The following ZNF609 variants were observed in gnomAD, a reference collection of about 807,000 sequenced individuals.
ZNF609 encodes the protein zinc finger protein 609.
A neutral mutation model predicts 109.5 loss-of-function variants in ZNF609; 11 were observed. The observed-to-expected ratio is 0.10, with a 90% CI of 0.06 to 0.17. ZNF609 has a LOEUF of 0.17. ZNF609 is among the 10% of genes least tolerant of loss of function. The pLI is 1.00. For synonymous variants in ZNF609, 646 were observed against 662.0 expected, an observed-to-expected ratio of 0.98 and a Z score of 0.37; for missense variants, 1,559 against 1,772.4, an observed-to-expected ratio of 0.88 and a Z score of 2.16.
intron 2 of ZNF609, among the ~76,000 whole-genome samples, chr15:64,537,555 A>T (rs1471338514): frequency 1.3e-5 from 2 of 152,074 alleles, no homozygotes; most frequent in African/African-American, 4.8e-5. Flanking sequence ...TCCATCAAAA[A>T]AAAGAAAAAA....
At chr15:64,467,891 A>G (rs536423617) in intron 1 of ZNF609, among the ~76,000 whole-genome samples, 2 of 152,294 alleles carry the variant, frequency 1.3e-5, no homozygotes, top group East Asian at 1.9e-4. Context: ...TACTATATGA[A>G]CAAATGTTGC....
At chr15:64,503,459 C>A (rs1272415829) in intron 2 of ZNF609, among the ~76,000 whole-genome samples, 1 of 152,108 alleles carries the variant, frequency 6.6e-6, no homozygotes, top group Non-Finnish European at 1.5e-5. Flanking sequence ...GGGAGGAGGG[C>A]AGGCGCCTGT....
intron 2 of ZNF609, among the ~76,000 whole-genome samples, chr15:64,553,766 T>C (rs1385549195): frequency 1.3e-5 from 2 of 151,738 alleles, no homozygotes; most frequent in Non-Finnish European, 2.9e-5. Context: ...GCCTGGCTAA[T>C]TTTTTGTATT....
At chr15:64,640,424 G>A (rs917533515) in intron 3 of ZNF609, among the ~76,000 whole-genome samples, 1 of 151,952 alleles carries the variant, frequency 6.6e-6, no homozygotes, top group South Asian at 2.1e-4. Flanking sequence ...AGAGTGAAAG[G>A]GTGGTTCAGC....
chr15:64,494,710 C>A (rs1478503505), intron 1 of ZNF609, among the ~76,000 whole-genome samples: 3 of 151,772 alleles, frequency 2.0e-5, no homozygotes, highest in African/African-American at 7.3e-5. Flanking sequence ...ATTTTTAGTA[C>A]AGACGGGGTT....
At chr15:64,581,591 A>G (rs1245748068) in intron 2 of ZNF609, among the ~76,000 whole-genome samples, 1 of 152,102 alleles carries the variant, frequency 6.6e-6, no homozygotes, top group East Asian at 1.9e-4. Context: ...GAAAGGTCAA[A>G]TAATGATAAT....
intron 1 of ZNF609, among the ~76,000 whole-genome samples, chr15:64,481,790 T>C (rs1430334747): frequency 6.6e-6 from 1 of 152,092 alleles, no homozygotes; most frequent in Admixed American, 6.6e-5. Context: ...TTTTTGTTTA[T>C]TTGTTTGTTT....
In ZNF609 at chr15:64,478,155, GGTGTGTGTGTGTGT is replaced by G. The variant is rs149241970; in HGVS notation, c.-128+17346_-128+17359del. ...TTTTCATATTTAATTTTAGAATAAAGGTGTGTGTGTGTGTGTGTGTGTGTGTGTGTGTGTGTGTG... is the reference window on the plus strand; with the variant it reads ...TTTTCATATTTAATTTTAGAATAAAGGTGTGTGTGTGTGTGTGTGTGTGTG... On this transcript the variant is annotated intron_variant, in intron 1 of 9. Coordinates refer to ENST00000326648, the MANE Select transcript of ZNF609 (RefSeq NM_015042.2). Among the ~76,000 whole-genome samples the G allele has an allele frequency of 8.1e-3, 1,126 of 138,308 alleles. 7 individuals carry two copies. The highest frequency in any genetic ancestry group is 0.012 in the Non-Finnish European group (784 of 64,160). 90.7% of individuals were successfully genotyped at this position (138,308 alleles called of 152,430 possible).
chr15:64,620,831 C>T (rs1020875505), intron 2 of ZNF609, among the ~76,000 whole-genome samples: 6 of 152,140 alleles, frequency 3.9e-5, no homozygotes, highest in Non-Finnish European at 8.8e-5. Context: ...AGACCTCAGC[C>T]TATAGGCTAG....
intron 2 of ZNF609, among the ~76,000 whole-genome samples, chr15:64,524,380 A>G (rs1334363608): frequency 6.6e-6 from 1 of 152,208 alleles, no homozygotes; most frequent in Non-Finnish European, 1.5e-5. Flanking sequence ...CCTGACCAAC[A>G]TGGTGAAACC....
chr15:64,550,548 A>T (rs1894449719), intron 2 of ZNF609, among the ~76,000 whole-genome samples: 1 of 151,982 alleles, frequency 6.6e-6, no homozygotes, highest in African/African-American at 2.4e-5. Flanking sequence ...TAATTAAAAA[A>T]AAAAAGAGGA....
chr15:64,681,536 C>T (rs932790327), intron 9 of ZNF609, 149 bp downstream of exon 9: 10 of 675,766 alleles, frequency 1.5e-5, no homozygotes, highest in Admixed American at 5.2e-5. Flanking sequence ...AAGAGTCTCC[C>T]GTGAAGCCAT....
intron 2 of ZNF609, among the ~76,000 whole-genome samples, chr15:64,610,325 T>C (rs370486479): frequency 1.3e-5 from 2 of 151,166 alleles, no homozygotes; most frequent in South Asian, 4.2e-4. Flanking sequence ...CAGAGTGGAG[T>C]AGAAAAGAGT....
At chr15:64,580,128 T>G (rs987128433) in intron 2 of ZNF609, among the ~76,000 whole-genome samples, 1 of 152,102 alleles carries the variant, frequency 6.6e-6, no homozygotes, top group African/African-American at 2.4e-5. Flanking sequence ...AGAGAGAGAT[T>G]TAAAAATGGT....
chr15:64,681,227 G>A, intron 8 of ZNF609, 82 bp from the exon 9 acceptor site: 2 of 1,304,918 alleles, frequency 1.5e-6, no homozygotes, highest in Non-Finnish European at 2.2e-6. Flanking sequence ...TTTTTTTTCT[G>A]TCAGCACCCC....
intron 2 of ZNF609, among the ~76,000 whole-genome samples, chr15:64,609,430 C>G (rs1895679073): frequency 6.6e-6 from 1 of 151,626 alleles, no homozygotes; most frequent in South Asian, 2.1e-4. Flanking sequence ...ATCCACCCTC[C>G]TCGGCCTCTC....
chr15:64,673,877 C>G, intron 4 of ZNF609, 39 bp from the exon 5 acceptor site: 1 of 1,569,276 alleles, frequency 6.4e-7, no homozygotes, highest in Non-Finnish European at 8.6e-7. Flanking sequence ...GATGTTTTCT[C>G]TTCTTAATAA....
rs1476690444 is a variant in ZNF609 at position 64,674,803 on chromosome 15, C to G, written c.1949C>G (p.Ser650Cys). The change falls in exon 5 of 10, where the codon TCC (serine) becomes TGC (cysteine). Residue 650 changes from serine to cysteine, a missense_variant. Transcript: ENST00000326648. ...AGTTTAAAACCTGAAAAGATTCCTT[C>G]CAAGAGCCTAAAGTCAGCCCGTCCC... ...PSSLKPEKIP[S>C]KSLKSARPIA... 2 of 1,614,148 alleles carry G rather than the reference C, an allele frequency of 1.2e-6. No individual in the cohort carries two copies. Among genetic ancestry groups the G allele is most frequent in the African/African-American group, 1.3e-5 (1 of 75,046 alleles).
chr15:64,612,613 C>T (rs1031185970), intron 2 of ZNF609, among the ~76,000 whole-genome samples: 1 of 146,092 alleles, frequency 6.8e-6, no homozygotes, highest in Non-Finnish European at 1.5e-5. Flanking sequence ...GGAAGCTCAG[C>T]AGTCCAGGAG....
Sources: gnomAD v4.1 joint callset for allele counts (sites outside exome capture counted in the v4.1 genomes callset) on GRCh38, gnomAD v4.1.1 for gene constraint, MANE v1.5 for transcripts, NCBI Gene and HGNC (gene_info 2026-07-23, HGNC 2026-07-21) for gene names.